The following DCDC1 variants were observed in gnomAD, a reference collection of about 807,000 sequenced individuals.
DCDC1 encodes the protein doublecortin domain containing 1, also known as doublecortin domain-containing protein 1.
In DCDC1, 200 loss-of-function variants were observed where a neutral mutation model predicts 178.3. That is an observed-to-expected ratio of 1.12 (90% CI 1.00 to 1.26). The LOEUF (loss-of-function observed/expected upper bound fraction) is 1.26, where lower values mean the gene tolerates loss of function less well. DCDC1 is among the 50% of genes most tolerant of loss of function. The pLI, the probability that DCDC1 is intolerant of heterozygous loss-of-function variation, is 0.00. For synonymous variants in DCDC1, 690 were observed against 604.8 expected, an observed-to-expected ratio of 1.14 and a Z score of -2.07; for missense variants, 1,983 against 1,749.2, an observed-to-expected ratio of 1.13 and a Z score of -2.38.
intron 20 of DCDC1, among the ~76,000 whole-genome samples, chr11:30,977,657 T>C (rs1213564958): frequency 6.6e-6 from 1 of 152,150 alleles, no homozygotes; most frequent in Non-Finnish European, 1.5e-5. Flanking sequence ...TGGCCAGGCA[T>C]GGTGGCTCGC....
chr11:30,916,505 T>G (rs1010088200), intron 26 of DCDC1, among the ~76,000 whole-genome samples: 2 of 152,230 alleles, frequency 1.3e-5, no homozygotes, highest in Non-Finnish European at 2.9e-5. Flanking sequence ...CTGCATTTTC[T>G]TAATTTCTTA....
intron 9 of DCDC1, among the ~76,000 whole-genome samples, chr11:31,187,544 T>A (rs1969652891): frequency 1.3e-5 from 2 of 152,232 alleles, no homozygotes; most frequent in South Asian, 4.1e-4. Context: ...TAAAAATGAT[T>A]CTTTAAGGTT....
intron 8 of DCDC1, among the ~76,000 whole-genome samples, 186 bp downstream of exon 8, chr11:31,265,321 T>A (rs1005010054): frequency 2.0e-5 from 3 of 152,116 alleles, no homozygotes; most frequent in Admixed American, 6.6e-5. Flanking sequence ...CAAACTTGTG[T>A]TGAAATAAAA....
chr11:31,323,944 T>G (rs1168573743), intron 3 of DCDC1, among the ~76,000 whole-genome samples: 1 of 152,076 alleles, frequency 6.6e-6, no homozygotes. Flanking sequence ...AAAATACAAT[T>G]TAAACATCAT....
chr11:31,270,035 A>G (rs1945445723), intron 7 of DCDC1, among the ~76,000 whole-genome samples: 1 of 152,200 alleles, frequency 6.6e-6, no homozygotes, highest in South Asian at 2.1e-4. Flanking sequence ...GAAACCTTTT[A>G]ATATGGTTCT....
chr11:31,362,968 T>C lies in DCDC1; in HGVS notation c.-125+6729A>G, dbSNP rs144747531. On this transcript the variant is annotated intron_variant, in intron 1 of 38. Transcript: ENST00000684477. Reference sequence around the variant, plus strand: ...CTGACATAAGTAATAAAAAACAGACTATAGTAACCCTGATGCTAAATGAAG... The same window carrying C: ...CTGACATAAGTAATAAAAAACAGACCATAGTAACCCTGATGCTAAATGAAG... 4.1e-4 allele frequency among the ~76,000 whole-genome samples: 62 copies of C among 152,208 alleles called. 1 individual carries two copies. The highest frequency in any genetic ancestry group is 1.2e-3 in the South Asian group (6 of 4,824).
At chr11:30,946,306 T>A (rs979759198) in intron 21 of DCDC1, among the ~76,000 whole-genome samples, 2 of 152,148 alleles carry the variant, frequency 1.3e-5, no homozygotes, top group Non-Finnish European at 2.9e-5. Flanking sequence ...GAGAAATCGG[T>A]GCAATTCAGT....
At chr11:31,227,105 A>G (rs1975073094) in intron 9 of DCDC1, among the ~76,000 whole-genome samples, 1 of 152,176 alleles carries the variant, frequency 6.6e-6, no homozygotes, top group South Asian at 2.1e-4. Context: ...AAGCAAGCCA[A>G]AAAGATATAG....
chr11:31,058,475 G>A (rs946715181), intron 20 of DCDC1, among the ~76,000 whole-genome samples: 11 of 152,028 alleles, frequency 7.2e-5, no homozygotes, highest in African/African-American at 9.7e-5. Context: ...AATAAGTATC[G>A]TGAAGAAAAA....
intron 36 of DCDC1, among the ~76,000 whole-genome samples, chr11:30,888,107 AAAGAAAGAAAGAAAG>A (rs1943413383): frequency 1.3e-5 from 1 of 78,256 alleles, no homozygotes; most frequent in Non-Finnish European, 2.8e-5. Context: ...AAAAAGAAAG[AAAGAAAGAAAGAAAG>A]AAAGAAAGAA....
At chr11:31,212,773 G>T (rs1278244977) in intron 9 of DCDC1, among the ~76,000 whole-genome samples, 1 of 152,084 alleles carries the variant, frequency 6.6e-6, no homozygotes, top group East Asian at 1.9e-4. Context: ...ATTTTTTTCA[G>T]TAATTCTAAT....
At chr11:31,265,799 G>A (rs534716245) in intron 7 of DCDC1, among the ~76,000 whole-genome samples, 199 bp from the exon 8 acceptor site, 8 of 150,216 alleles carry the variant, frequency 5.3e-5, no homozygotes, top group East Asian at 3.9e-4. Flanking sequence ...AAAAAAACAC[G>A]TAAGTATTAG....
At chr11:30,952,339 T>A in intron 21 of DCDC1, 106 bp downstream of exon 21, 1 of 1,050,840 alleles carries the variant, frequency 9.5e-7, no homozygotes, top group Non-Finnish European at 1.3e-6. Flanking sequence ...ATCTTGCACC[T>A]AACAGCTGCA....
At chr11:30,925,128 T>C (rs1308098957) in intron 23 of DCDC1, among the ~76,000 whole-genome samples, 181 bp downstream of exon 23, 5 of 151,718 alleles carry the variant, frequency 3.3e-5, no homozygotes, top group Non-Finnish European at 5.9e-5. Context: ...GCCAGACATA[T>C]AGGAAGCTCT....
intron 15 of DCDC1, among the ~76,000 whole-genome samples, chr11:31,097,875 T>C (rs1958253457): frequency 6.6e-6 from 1 of 152,220 alleles, no homozygotes; most frequent in Non-Finnish European, 1.5e-5. Flanking sequence ...GCCTCCTTTA[T>C]GACAAAAAGA....
intron 26 of DCDC1, among the ~76,000 whole-genome samples, 178 bp from the exon 27 acceptor site, chr11:30,915,889 G>A (rs1945796419): frequency 6.6e-6 from 1 of 152,150 alleles, no homozygotes. Context: ...GCACTTCTAA[G>A]CTGACATAAG....
At chr11:31,049,889 C>A (rs1955126597) in intron 20 of DCDC1, among the ~76,000 whole-genome samples, 1 of 152,288 alleles carries the variant, frequency 6.6e-6, no homozygotes, top group Middle Eastern at 3.4e-3. Context: ...TCCTGCCTGG[C>A]ACCACAGGGA....
At chr11:31,354,728 A>T (rs916910406) in intron 1 of DCDC1, among the ~76,000 whole-genome samples, 15 of 152,166 alleles carry the variant, frequency 9.9e-5, no homozygotes, top group Admixed American at 9.2e-4. Flanking sequence ...GGAAGAAAGG[A>T]ATTTAAAAAT....
intron 21 of DCDC1, among the ~76,000 whole-genome samples, chr11:30,938,190 TTC>T (rs1303842664): frequency 2.0e-5 from 3 of 152,116 alleles, no homozygotes; most frequent in Non-Finnish European, 4.4e-5. Context: ...CTTTTCCAGT[TTC>T]TCTCTCGTTC....
Sources: allele counts gnomAD v4.1 joint callset (sites outside exome capture counted in the v4.1 genomes callset), GRCh38; gene constraint gnomAD v4.1.1; transcripts MANE v1.5; gene names NCBI Gene and HGNC (gene_info 2026-07-23, HGNC 2026-07-21).